GLI2: variants seen among roughly 807,000 people sequenced by gnomAD.
GLI2 encodes the protein GLI family zinc finger 2.
A neutral mutation model predicts 78.9 loss-of-function variants in GLI2; 22 were observed. That is an observed-to-expected ratio of 0.28 (90% CI 0.20 to 0.40). GLI2 has a LOEUF of 0.40. Ranked by LOEUF, GLI2 falls within the 10% of genes least tolerant of loss-of-function variation. GLI2 has a pLI of 1.00. For missense variants in GLI2, 2,097 were observed against 2,213.2 expected, an observed-to-expected ratio of 0.95 and a Z score of 1.05; for synonymous variants, 974 against 963.7, an observed-to-expected ratio of 1.01 and a Z score of -0.20.
chr2:120,990,063 C>T lies in GLI2; in HGVS notation c.4098C>T (p.His1366=), dbSNP rs750756306. 1 of 1,600,636 alleles carries T rather than the reference C, an allele frequency of 6.2e-7. No individual in the cohort carries two copies. The highest frequency in any genetic ancestry group is 8.5e-7 in the Non-Finnish European group (1 of 1,172,730). The change falls in exon 14 of 14, where the codon CAC becomes CAT. Residue 1366 remains histidine (H), a synonymous_variant. Coordinates refer to ENST00000361492, the MANE Select transcript of GLI2 (RefSeq NM_001374353.1). ...PPLEPSPTGR[H]RGVRAVQQQL... ...TCGAGCCCAGCCCCACTGGCCGCCA[C>T]CGTGGGGTACGTGCTGTGCAGCAGC...
At chr2:120,881,340 G>A (rs543078638) in intron 2 of GLI2, among the ~76,000 whole-genome samples, 1 of 152,290 alleles carries the variant, frequency 6.6e-6, no homozygotes, top group African/African-American at 2.4e-5. Context: ...GACAGGTGGG[G>A]AGGAGGATGG....
intron 10 of GLI2, among the ~76,000 whole-genome samples, chr2:120,978,995 G>T (rs929375972): frequency 2.0e-5 from 3 of 152,168 alleles, no homozygotes; most frequent in East Asian, 1.9e-4. Context: ...ATGGTTGAGG[G>T]TTTTTTTGTT....
chr2:120,743,266 G>C (rs939140208), intron 1 of GLI2, among the ~76,000 whole-genome samples: 4 of 152,128 alleles, frequency 2.6e-5, no homozygotes, highest in African/African-American at 9.7e-5. Flanking sequence ...AAGGGTAAAG[G>C]GCTCTGATGT....
At position 120,807,325 on chromosome 2, in the gene GLI2, C is replaced by T. The variant is rs1395126409; in HGVS notation, c.148+9857C>T. On this transcript the variant is annotated intron_variant, in intron 2 of 13. Transcript: ENST00000361492. ...CTCATTTTAAACGCAGGCCAAAATG[C>T]GTATCTTTGGAGGGCTAGGCTGACC... 3.3e-5 allele frequency among the ~76,000 whole-genome samples: 5 copies of T among 152,226 alleles called. No homozygotes were observed. The South Asian group carries it at 6.2e-4, about 19-fold the overall frequency.
intron 1 of GLI2, among the ~76,000 whole-genome samples, chr2:120,766,160 A>G (rs1485178416): frequency 6.6e-6 from 1 of 152,082 alleles, no homozygotes; most frequent in African/African-American, 2.4e-5. Flanking sequence ...GCTGTTCTTC[A>G]GCATGTCTGC....
intron 3 of GLI2, among the ~76,000 whole-genome samples, chr2:120,936,052 T>C: frequency 6.6e-6 from 1 of 152,070 alleles, no homozygotes; most frequent in East Asian, 1.9e-4. Flanking sequence ...AACTATTCGG[T>C]TCCTCTCCTG....
intron 2 of GLI2, among the ~76,000 whole-genome samples, chr2:120,912,778 G>C (rs1179741869): frequency 2.0e-5 from 3 of 152,274 alleles, no homozygotes; most frequent in Middle Eastern, 3.4e-3. Context: ...CCACTCCCGT[G>C]TCTGGGAACA....
chr2:120,847,196 G>A (rs1390960011), intron 2 of GLI2, among the ~76,000 whole-genome samples: 2 of 152,084 alleles, frequency 1.3e-5, no homozygotes, highest in Admixed American at 6.5e-5. Context: ...GAACAGTGCT[G>A]ACTGCTCCAT....
intron 2 of GLI2, among the ~76,000 whole-genome samples, chr2:120,916,376 G>A (rs1193706284): frequency 6.6e-6 from 1 of 152,230 alleles, no homozygotes; most frequent in Admixed American, 6.5e-5. Context: ...TGGGCTCACT[G>A]TCCGCACTGC....
chr2:120,858,936 G>A (rs1026357453), intron 2 of GLI2, among the ~76,000 whole-genome samples: 7 of 152,192 alleles, frequency 4.6e-5, no homozygotes, highest in Non-Finnish European at 8.8e-5. Context: ...TCCTGTGTGC[G>A]TGTTCCAGGC....
intron 10 of GLI2, among the ~76,000 whole-genome samples, chr2:120,981,424 T>A (rs1382955131): frequency 6.6e-6 from 1 of 152,218 alleles, no homozygotes; most frequent in African/African-American, 2.4e-5. Context: ...TTACTGTCAA[T>A]TTGTAGGAAG....
chr2:120,781,672 C>A (rs1683854086), intron 1 of GLI2, among the ~76,000 whole-genome samples: 1 of 152,164 alleles, frequency 6.6e-6, no homozygotes, highest in Non-Finnish European at 1.5e-5. Context: ...CACCTGAGGT[C>A]AGGAGTTTGA....
At chr2:120,972,324 T>G (rs1218124675) in intron 8 of GLI2, among the ~76,000 whole-genome samples, 2 of 152,206 alleles carry the variant, frequency 1.3e-5, no homozygotes, top group African/African-American at 4.8e-5. Flanking sequence ...TAGCCATCCC[T>G]CTTGTCTCAG....
intron 2 of GLI2, among the ~76,000 whole-genome samples, chr2:120,919,988 C>A (rs1287319963): frequency 6.6e-6 from 1 of 152,266 alleles, no homozygotes; most frequent in Admixed American, 6.5e-5. Flanking sequence ...GCCTCACCTT[C>A]CCTCCATCAG....
At chr2:120,943,674 T>C (rs1430525971) in intron 3 of GLI2, among the ~76,000 whole-genome samples, 1 of 152,200 alleles carries the variant, frequency 6.6e-6, no homozygotes. Context: ...GAAGGAGCTG[T>C]TCCTGCCTGT....
chr2:120,884,920 C>T (rs1050522875), intron 2 of GLI2, among the ~76,000 whole-genome samples: 1 of 152,152 alleles, frequency 6.6e-6, no homozygotes, highest in Non-Finnish European at 1.5e-5. Flanking sequence ...CCTACCATTG[C>T]TGCCATGGCG....
chr2:120,954,306 A>T (rs1681135643), intron 4 of GLI2, among the ~76,000 whole-genome samples: 1 of 152,138 alleles, frequency 6.6e-6, no homozygotes, highest in Admixed American at 6.5e-5. Flanking sequence ...GTAGGCAGGA[A>T]GGAGTAGGGG....
chr2:120,968,482 A>C (rs1463336521), intron 5 of GLI2, among the ~76,000 whole-genome samples: 1 of 152,198 alleles, frequency 6.6e-6, no homozygotes, highest in Non-Finnish European at 1.5e-5. Context: ...CAAACACCTT[A>C]CATGCACTTC....
rs140601980 is a variant in GLI2, at chr2:120,989,318, C to A, written c.3353C>A (p.Ser1118Tyr). The A allele has an allele frequency of 5.0e-6, 8 of 1,613,076 alleles. No homozygotes were observed. The highest frequency in any genetic ancestry group is 6.8e-6 in the Non-Finnish European group (8 of 1,180,014). ...GGCQLGFGAP[S>Y]SLNKNNMPVQ... ...TGCCAGTTAGGCTTTGGGGCGCCCT[C>A]CAGCCTGAACAAAAATAACATGCCT... The change falls in exon 14 of 14, where the codon TCC becomes TAC. Residue 1118 changes from serine to tyrosine, a missense_variant. Physicochemically the swap from Ser to Tyr is moderately radical, Grantham distance 144 (BLOSUM62 -2). Around this residue, in one of 5 missense-constraint regions of GLI2, gnomAD observed 1,290 missense variants for 1,261.7 expected, o/e 1.02. Transcript: ENST00000361492.
Sources: gnomAD v4.1 joint callset for allele counts (sites outside exome capture counted in the v4.1 genomes callset) on GRCh38, gnomAD v4.1.1 for gene constraint, gnomAD v4.1.1 regional missense constraint, MANE v1.5 for transcripts, NCBI Gene and HGNC (gene_info 2026-07-23, HGNC 2026-07-21) for gene names.